The following GPN2 variants were observed in gnomAD, a reference collection of about 807,000 sequenced individuals.
GPN2 encodes ATP-binding domain 1 family member B.
A neutral mutation model predicts 30.1 loss-of-function variants in GPN2; 27 were observed. That is an observed-to-expected ratio of 0.90 (90% CI 0.66 to 1.24). The LOEUF is 1.24. Among genes scored for constraint, GPN2 ranks in the 50% most tolerant of loss-of-function variants. The probability of loss-of-function intolerance (pLI) is 0.00; values close to 1 mark genes in which losing one functional copy is unlikely to be tolerated. For missense variants in GPN2, 406 were observed against 405.4 expected, an observed-to-expected ratio of 1.00 and a Z score of -0.01; for synonymous variants, 212 against 174.4, an observed-to-expected ratio of 1.22 and a Z score of -1.70.
intron 2 of GPN2, 30 bp downstream of exon 2, chr1:26,888,939 C>T (rs758726121): frequency 3.1e-6 from 5 of 1,612,374 alleles, no homozygotes; most frequent in Non-Finnish European, 4.2e-6. Context: ...AGCTGCTGCC[C>T]TGCTCTTCGC....
intron 2 of GPN2, among the ~76,000 whole-genome samples, chr1:26,887,888 C>T (rs1215430311): frequency 1.5e-5 from 2 of 135,512 alleles, no homozygotes; most frequent in Non-Finnish European, 3.1e-5. Flanking sequence ...GACGGAGTTT[C>T]ACTCTTATTG....
chr1:26,884,429 A>G (rs2081880853), intron 3 of GPN2, 139 bp from the exon 4 acceptor site: 2 of 747,438 alleles, frequency 2.7e-6, no homozygotes, highest in African/African-American at 1.8e-5. Context: ...CATGTCCCCA[A>G]AGGCTGGATA....
At chr1:26,884,433 C>A in intron 3 of GPN2, 143 bp from the exon 4 acceptor site, 1 of 725,242 alleles carries the variant, frequency 1.4e-6, no homozygotes, top group Non-Finnish European at 2.2e-6. Context: ...TCCCCAAAGG[C>A]TGGATAAATC....
At chr1:26,887,279 A>G (rs531437673) in intron 2 of GPN2, among the ~76,000 whole-genome samples, 1 of 152,146 alleles carries the variant, frequency 6.6e-6, no homozygotes, top group Non-Finnish European at 1.5e-5. Context: ...ATCATTTCTC[A>G]CTAAAAGAAG....
chr1:26,885,704 T>C (rs1216190883), intron 3 of GPN2, among the ~76,000 whole-genome samples: 1 of 151,488 alleles, frequency 6.6e-6, no homozygotes, highest in Non-Finnish European at 1.5e-5. Context: ...CTCAGCCTCC[T>C]GAGTAGCTGG....
chr1:26,882,716 T>A (rs1026745192), intron 4 of GPN2, among the ~76,000 whole-genome samples: 1 of 152,246 alleles, frequency 6.6e-6, no homozygotes, highest in Admixed American at 6.5e-5. Context: ...TGTGACCTGA[T>A]GGACACCTAC....
At chr1:26,887,696 G>C (rs972791158) in intron 2 of GPN2, among the ~76,000 whole-genome samples, 2 of 151,514 alleles carry the variant, frequency 1.3e-5, no homozygotes, top group Non-Finnish European at 2.9e-5. Context: ...TGAGTAGCTG[G>C]GACTACAGGT....
chr1:26,883,792 A>G (rs1345762989), intron 4 of GPN2, among the ~76,000 whole-genome samples: 5 of 151,860 alleles, frequency 3.3e-5, no homozygotes, highest in African/African-American at 1.2e-4. Flanking sequence ...CTTTCAAAAA[A>G]AAAAAAGAAA....
chr1:26,882,281 G>A (rs1265206936), intron 4 of GPN2, among the ~76,000 whole-genome samples: 1 of 151,184 alleles, frequency 6.6e-6, no homozygotes. Context: ...CTACTTAGGA[G>A]GCTGAGGGAG....
At chr1:26,883,909 G>A (rs537206109) in intron 4 of GPN2, among the ~76,000 whole-genome samples, 6 of 152,144 alleles carry the variant, frequency 3.9e-5, no homozygotes, top group African/African-American at 1.4e-4. Flanking sequence ...GCGTGGTGGT[G>A]GGTGGCTGTA....
Position 26,890,114 on chromosome 1 carries a change from G to C in GPN2, c.-18C>G. Reference sequence around the variant, plus strand: ...CCTGCCATTGGCGGCCCGCGGCCCGGAGCAGGTCAACTCACAGGGAAAACG... The same window carrying C: ...CCTGCCATTGGCGGCCCGCGGCCCGCAGCAGGTCAACTCACAGGGAAAACG... On this transcript the variant is annotated 5_prime_UTR_variant, in exon 1 of 5. Transcript: ENST00000374135. 6.7e-7 allele frequency: 1 copy of C among 1,499,432 alleles called. No homozygotes were observed. Among genetic ancestry groups the C allele is most frequent in the Non-Finnish European group, 8.8e-7 (1 of 1,131,372 alleles). The allele number at this position is 1,499,432 out of a possible 1,614,324, so 92.9% of individuals were successfully genotyped here. A position where few individuals can be genotyped will look rare whatever the true frequency, so the allele number is the denominator to read the frequency against.
At chr1:26,883,512 C>T (rs559250997) in intron 4 of GPN2, among the ~76,000 whole-genome samples, 124 of 151,476 alleles carry the variant, frequency 8.2e-4, no homozygotes, top group Non-Finnish European at 1.4e-3. Flanking sequence ...CACGGCCGGG[C>T]GCAGTGGCTC....
intron 3 of GPN2, among the ~76,000 whole-genome samples, chr1:26,885,265 C>T (rs2081884765): frequency 6.6e-6 from 1 of 152,152 alleles, no homozygotes; most frequent in South Asian, 2.1e-4. Flanking sequence ...CCTGCGTCTC[C>T]CAGGTTATCT....
rs1314921817 is a variant in GPN2 at position 26,885,394 on chromosome 1, A to C, written c.729+579T>G. 2.6e-5 allele frequency among the ~76,000 whole-genome samples: 4 copies of C among 152,208 alleles called. No individual in the cohort carries two copies. In the East Asian group the frequency reaches 7.7e-4, roughly 29 times the overall value. On this transcript the variant is annotated intron_variant, in intron 3 of 4. Coordinates refer to ENST00000374135, the MANE Select transcript of GPN2 (RefSeq NM_018066.4). ...CTGGTCCTGGTGAACTTTCTTGCTG[A>C]TGACTTTCTGAACTCACCCATTTTC...
chr1:26,883,113 T>C (rs2081872718), intron 4 of GPN2, among the ~76,000 whole-genome samples: 1 of 152,232 alleles, frequency 6.6e-6, no homozygotes, highest in Non-Finnish European at 1.5e-5. Flanking sequence ...CTTAAATGCA[T>C]TTTCCACAAT....
rs766110193 is a variant in GPN2 at position 26,890,089 on chromosome 1, C to T, written c.8G>A (p.Gly3Glu). The change falls in exon 1 of 5, where the codon GGG (glycine) becomes GAG (glutamate). Residue 3 changes from glycine (G) to glutamate (E), a missense_variant. Physicochemically the swap from Gly to Glu is moderately conservative, Grantham distance 98. Coordinates refer to ENST00000374135, the MANE Select transcript of GPN2 (RefSeq NM_018066.4). ...CCCGAAGGCCGTGGTCGGAGCGGCC[C>T]CTGCCATTGGCGGCCCGCGGCCCGG... MA[G>E]AAPTTAFGQA... 6.5e-7 allele frequency: 1 copy of T among 1,530,530 alleles called. No individual in the cohort carries two copies. Among genetic ancestry groups the T allele is most frequent in the Non-Finnish European group, 8.7e-7 (1 of 1,145,614 alleles). 94.8% of individuals were successfully genotyped at this position (1,530,530 alleles called of 1,614,324 possible). A position where few individuals can be genotyped will look rare whatever the true frequency, so the allele number is the denominator to read the frequency against.
chr1:26,888,749 T>A (rs2081904275), intron 2 of GPN2: 2 of 585,980 alleles, frequency 3.4e-6, no homozygotes, highest in African/African-American at 3.7e-5. Flanking sequence ...CTTTAATTCC[T>A]TTGTAACACC....
chr1:26,885,300 A>AGG (rs1383016909), intron 3 of GPN2, among the ~76,000 whole-genome samples: 1 of 152,214 alleles, frequency 6.6e-6, no homozygotes. Context: ...TGAGAGGCAC[A>AGG]GGGGTTGGGT....
intron 4 of GPN2, among the ~76,000 whole-genome samples, chr1:26,882,716 T>C (rs1026745192): frequency 1.3e-5 from 2 of 152,246 alleles, no homozygotes; most frequent in African/African-American, 4.8e-5. Context: ...TGTGACCTGA[T>C]GGACACCTAC....
Sources: gnomAD v4.1 joint callset for allele counts (sites outside exome capture counted in the v4.1 genomes callset) on GRCh38, gnomAD v4.1.1 for gene constraint, MANE v1.5 for transcripts, NCBI Gene and HGNC (gene_info 2026-07-23, HGNC 2026-07-21) for gene names.